The following MED13 variants were observed in gnomAD, a reference collection of about 807,000 sequenced individuals.
MED13 encodes the protein mediator of RNA polymerase II transcription subunit 13.
In MED13, 23 loss-of-function variants were observed where a neutral mutation model predicts 225.2. The observed-to-expected ratio is 0.10, with a 90% CI of 0.07 to 0.14. The LOEUF is 0.14. Ranked by LOEUF, MED13 falls within the 10% of genes least tolerant of loss-of-function variation. The pLI, the probability that MED13 is intolerant of heterozygous loss-of-function variation, is 1.00. For synonymous variants in MED13, 942 were observed against 889.2 expected (o/e 1.06, Z -1.06); for missense variants, 2,197 against 2,594.5 (o/e 0.85, Z 3.33).
chr17:62,008,699 C>G (rs187203357), intron 9 of MED13, among the ~76,000 whole-genome samples: 6 of 152,028 alleles, frequency 3.9e-5, no homozygotes, highest in Admixed American at 2.6e-4. Context: ...CCCCTCCCCC[C>G]GAGGGAGCTA....
In MED13 at chr17:61,982,423, C is replaced by T; in HGVS notation, c.3580G>A (p.Asp1194Asn). The T allele has an allele frequency of 1.2e-6, 2 of 1,614,146 alleles. No individual in the cohort carries two copies. Among genetic ancestry groups the T allele is most frequent in the Non-Finnish European group, 1.7e-6 (2 of 1,179,982 alleles). The change falls in exon 16 of 30, where the codon GAT (aspartate) becomes AAT (asparagine). Residue 1194 changes from aspartate (D) to asparagine (N), a missense_variant. By Grantham distance (23) the Asp-to-Asn change is conservative. This residue lies in a region of MED13 where 203 missense variants were observed against 209.7 expected (regional missense o/e 0.97). Coordinates refer to ENST00000397786, the MANE Select transcript of MED13 (RefSeq NM_005121.3). ...GGTGAAAATAAATTAGTGCACTGAT[C>T]TTGTAGCAATAATATCAAATCATCA... ...LSDDLILLLQDQCTNLFSPFG... is the reference protein window; with the variant it reads ...LSDDLILLLQNQCTNLFSPFG...
At chr17:62,001,923 A>G (rs943960048) in intron 9 of MED13, among the ~76,000 whole-genome samples, 1 of 152,208 alleles carries the variant, frequency 6.6e-6, no homozygotes, top group African/African-American at 2.4e-5. Flanking sequence ...TACTCCTAAG[A>G]AGAGATACAA....
chr17:61,956,565 C>T lies in MED13; in HGVS notation c.5481-84G>A. 2.2e-6 allele frequency: 3 copies of T among 1,373,954 alleles called. No individual in the cohort carries two copies. The South Asian group carries it at 4.2e-5, about 19-fold the overall frequency. 85.1% of individuals were successfully genotyped at this position (1,373,954 alleles called of 1,614,324 possible). A position where few individuals can be genotyped will look rare whatever the true frequency, so the allele number is the denominator to read the frequency against. On this transcript the variant is annotated intron_variant, in intron 23 of 29. Transcript: ENST00000397786. ...TTGTTGTTTTTTTGAGATGGAGTCT[C>T]ACTCTGTCACCCAGGCTGGATGGAG...
intron 8 of MED13, among the ~76,000 whole-genome samples, chr17:62,016,897 CT>C (rs1703307472): frequency 6.6e-6 from 1 of 151,984 alleles, no homozygotes; most frequent in Non-Finnish European, 1.5e-5. Flanking sequence ...GTAATCCCAA[CT>C]ACTCAGGAGG....
intron 23 of MED13, among the ~76,000 whole-genome samples, chr17:61,959,402 AT>A (rs1026610709): frequency 6.6e-5 from 10 of 151,762 alleles, no homozygotes; most frequent in South Asian, 2.1e-4. Context: ...AAAGGGTGGT[AT>A]TTTTTTTCTC....
In MED13 at chr17:62,010,982, C is replaced by T. The variant is rs202054024; in HGVS notation, c.1535G>A (p.Arg512Gln). The T allele has an allele frequency of 5.0e-6, 8 of 1,613,506 alleles. No homozygotes were observed. The highest frequency in any genetic ancestry group is 2.2e-5 in the East Asian group (1 of 44,878). The change falls in exon 9 of 30, where the codon CGA becomes CAA. Residue 512 changes from arginine (R) to glutamine (Q), a missense_variant. Physicochemically the swap from Arg to Gln is conservative, Grantham distance 43. Coordinates refer to ENST00000397786, the MANE Select transcript of MED13 (RefSeq NM_005121.3). ...PDSQVRFSNI[R>Q]TNDVAKTPQM... ...AGGAGTCTTTGCTACATCATTAGTT[C>T]GGATATTTGAAAATCTCACTTGACT...
At chr17:61,973,037 G>T in intron 16 of MED13, 149 bp from the exon 17 acceptor site, 1 of 531,620 alleles carries the variant, frequency 1.9e-6, no homozygotes, top group Non-Finnish European at 3.1e-6. Flanking sequence ...ATTGCATTAA[G>T]TTCTACAAGA....
intron 11 of MED13, among the ~76,000 whole-genome samples, chr17:61,991,096 T>C (rs1282236433): frequency 6.6e-6 from 1 of 152,204 alleles, no homozygotes; most frequent in Non-Finnish European, 1.5e-5. Context: ...TTGAGCTTAT[T>C]CTAAATCATT....
At chr17:62,010,376 A>T (rs535530318) in intron 9 of MED13, 174 bp downstream of exon 9, 2 of 427,260 alleles carry the variant, frequency 4.7e-6, no homozygotes, top group African/African-American at 4.1e-5. Flanking sequence ...AAGTTATTTC[A>T]TAATGAAGAA....
At chr17:61,980,770 T>C (rs908041869) in intron 16 of MED13, among the ~76,000 whole-genome samples, 1 of 152,164 alleles carries the variant, frequency 6.6e-6, no homozygotes, top group East Asian at 1.9e-4. Flanking sequence ...CAACAGAGTG[T>C]CTTGCTCTGT....
chr17:62,008,303 G>A (rs919523473), intron 9 of MED13, among the ~76,000 whole-genome samples: 1 of 114,070 alleles, frequency 8.8e-6, no homozygotes, highest in Non-Finnish European at 1.6e-5. Flanking sequence ...GGGCCACAGA[G>A]CGAGGCTCTG....
At chr17:61,964,406 T>C (rs1377889614) in intron 20 of MED13, among the ~76,000 whole-genome samples, 1 of 151,678 alleles carries the variant, frequency 6.6e-6, no homozygotes, top group African/African-American at 2.4e-5. Flanking sequence ...ACCACATCTC[T>C]ACAAAAAAGT....
intron 16 of MED13, among the ~76,000 whole-genome samples, chr17:61,977,506 C>T (rs989342054): frequency 1.4e-4 from 21 of 152,298 alleles, no homozygotes; most frequent in African/African-American, 4.1e-4. Context: ...GGCTGGAGTG[C>T]GGTGGCACCA....
rs1274806836 is a variant in MED13, at chr17:62,015,942, ATATATATATATATTTTTTTTTTTT to A, written c.1284-4733_1284-4710del. On this transcript the variant is annotated intron_variant, in intron 8 of 29. Coordinates refer to ENST00000397786, the MANE Select transcript of MED13 (RefSeq NM_005121.3). ...TATATATATATATATATATATATAT[ATATATATATATATTTTTTTTTTTT>A]TTTTTTTTTTTTTTTTTAGTAGAGA... 1.9e-3 allele frequency among the ~76,000 whole-genome samples: 19 copies of A among 10,048 alleles called. 1 individual carries two copies. The highest frequency in any genetic ancestry group is 4.5e-3 in the African/African-American group (17 of 3,812). The allele number at this position is 10,048 out of a possible 152,430, so 6.6% of individuals were successfully genotyped here.
rs371167411 is a variant in MED13 at position 62,033,929 on chromosome 17, C to T, written c.672G>A (p.Met224Ile). Residue 224 changes from methionine to isoleucine, a missense_variant, in exon 5 of 30, where the codon ATG (methionine) becomes ATA (isoleucine). Met to Ile is a conservative substitution (Grantham distance 10). Coordinates refer to ENST00000397786, the MANE Select transcript of MED13 (RefSeq NM_005121.3). ...NGTLTGQAFK[M>I]SDSATKKLIG... ...TTAATTTTTTTGTAGCTGAATCAGA[C>T]ATCTTGAATGCCTGTCCTGTGAGAG... The T allele has an allele frequency of 4.5e-5, 73 of 1,613,992 alleles. No homozygotes were observed. Among genetic ancestry groups the T allele is most frequent in the Non-Finnish European group, 5.8e-5 (68 of 1,180,030 alleles).
intron 14 of MED13, 114 bp downstream of exon 14, chr17:61,984,537 T>A: frequency 1.0e-6 from 1 of 998,528 alleles, no homozygotes. Flanking sequence ...AATTCAGTCC[T>A]CAACTTAGCT....
At position 62,055,408 on chromosome 17, in the gene MED13, A is replaced by C. The variant is rs183581513; in HGVS notation, c.302-2703T>G. Among the ~76,000 whole-genome samples the C allele has an allele frequency of 2.0e-5, 3 of 152,178 alleles. No individual in the cohort carries two copies. The East Asian group carries it at 5.8e-4, about 29-fold the overall frequency. Reference sequence around the variant, plus strand: ...CTGACTCAAAAAAACAAAAAAAAAAACCTTTGCAATAGTAAAAGCTAAAGC... The same window carrying C: ...CTGACTCAAAAAAACAAAAAAAAAACCCTTTGCAATAGTAAAAGCTAAAGC... On this transcript the variant is annotated intron_variant, in intron 2 of 29. Coordinates refer to ENST00000397786, the MANE Select transcript of MED13 (RefSeq NM_005121.3).
chr17:61,952,800 C>T (rs2079907727), intron 27 of MED13, among the ~76,000 whole-genome samples, 165 bp downstream of exon 27: 1 of 152,166 alleles, frequency 6.6e-6, no homozygotes, highest in African/African-American at 2.4e-5. Context: ...CCTTACCCGG[C>T]TATTTTTTAC....
intron 3 of MED13, among the ~76,000 whole-genome samples, chr17:62,043,721 C>G (rs951675931): frequency 1.3e-5 from 2 of 152,188 alleles, no homozygotes; most frequent in Non-Finnish European, 2.9e-5. Flanking sequence ...AAGCACAGCA[C>G]ACACACCTAA....
Sources: allele counts gnomAD v4.1 joint callset (sites outside exome capture counted in the v4.1 genomes callset), GRCh38; gene constraint gnomAD v4.1.1; regional missense constraint gnomAD v4.1.1; transcripts MANE v1.5; gene names NCBI Gene and HGNC (gene_info 2026-07-23, HGNC 2026-07-21).